Variants in UST observed in about 807,000 individuals in gnomAD.
UST encodes chondroitin sulfate 2-O-sulfotransferase.
A neutral mutation model predicts 45.6 loss-of-function variants in UST; 21 were observed. That is an observed-to-expected ratio of 0.46 (90% confidence interval 0.33 to 0.66). UST has a LOEUF of 0.66. UST is among the 30% of genes least tolerant of loss of function. UST has a pLI of 0.02. For synonymous variants in UST, 215 were observed against 200.6 expected, an observed-to-expected ratio of 1.07 and a Z score of -0.61; for missense variants, 463 against 512.4, an observed-to-expected ratio of 0.90 and a Z score of 0.93.
chr6:148,928,540 A>T (rs991828944), intron 2 of UST, among the ~76,000 whole-genome samples: 7 of 152,240 alleles, frequency 4.6e-5, no homozygotes, highest in South Asian at 2.1e-4. Context: ...GGGTTCCCCC[A>T]TCCATCCTGG....
chr6:148,840,552 A>C (rs554860441), intron 1 of UST, among the ~76,000 whole-genome samples: 3 of 152,290 alleles, frequency 2.0e-5, no homozygotes, highest in Non-Finnish European at 4.4e-5. Context: ...ACCTGCAGAT[A>C]CCAGAATCCA....
chr6:148,916,859 A>G (rs1294148434), intron 2 of UST, among the ~76,000 whole-genome samples: 2 of 152,250 alleles, frequency 1.3e-5, no homozygotes, highest in Admixed American at 6.5e-5. Flanking sequence ...ATTTAGCTGT[A>G]TAGCAAAACC....
At chr6:149,011,442 T>C (rs1402720965) in intron 5 of UST, among the ~76,000 whole-genome samples, 5 of 152,216 alleles carry the variant, frequency 3.3e-5, no homozygotes, top group African/African-American at 7.2e-5. Flanking sequence ...AATTTAATTG[T>C]CCATTTTAAA....
intron 5 of UST, among the ~76,000 whole-genome samples, chr6:148,976,649 T>C (rs1433538191): frequency 6.6e-6 from 1 of 152,240 alleles, no homozygotes; most frequent in African/African-American, 2.4e-5. Context: ...ATGAGTGAAG[T>C]TGAGCATCTT....
intron 5 of UST, among the ~76,000 whole-genome samples, chr6:149,003,428 T>G (rs1420439842): frequency 6.9e-6 from 1 of 145,054 alleles, no homozygotes; most frequent in African/African-American, 2.6e-5. Flanking sequence ...GATGTCCAAT[T>G]TGGTAAAAAA....
intron 5 of UST, among the ~76,000 whole-genome samples, chr6:149,003,957 T>C (rs753871705): frequency 6.6e-6 from 1 of 152,242 alleles, no homozygotes; most frequent in Non-Finnish European, 1.5e-5. Context: ...TGACACGCTT[T>C]GCTGGAAATG....
At chr6:148,824,591 A>G (rs1777532325) in intron 1 of UST, among the ~76,000 whole-genome samples, 1 of 151,448 alleles carries the variant, frequency 6.6e-6, no homozygotes, top group African/African-American at 2.4e-5. Flanking sequence ...CTACTGGGAG[A>G]TGGTTTTTGC....
intron 1 of UST, among the ~76,000 whole-genome samples, chr6:148,819,229 A>G (rs17087806): frequency 0.013 from 2,014 of 152,344 alleles, 42 homozygotes; most frequent in African/African-American, 0.045. Flanking sequence ...AGCAGAGATA[A>G]TAATGAAATG....
At chr6:148,946,030 C>G (rs1233249411) in intron 3 of UST, among the ~76,000 whole-genome samples, 1 of 152,142 alleles carries the variant, frequency 6.6e-6, no homozygotes, top group Non-Finnish European at 1.5e-5. Context: ...ACACTATTTC[C>G]TTACAATATT....
At chr6:148,766,790 TC>T (rs1776332972) in intron 1 of UST, among the ~76,000 whole-genome samples, 1 of 152,162 alleles carries the variant, frequency 6.6e-6, no homozygotes, top group African/African-American at 2.4e-5. Context: ...TGTTAAAAGC[TC>T]CATGGGTAAT....
intron 7 of UST, among the ~76,000 whole-genome samples, chr6:149,048,652 G>C (rs986631706): frequency 1.3e-5 from 2 of 152,016 alleles, no homozygotes; most frequent in African/African-American, 4.8e-5. Context: ...GATATCATAT[G>C]ATTATATTTT....
intron 2 of UST, among the ~76,000 whole-genome samples, chr6:148,922,795 T>A (rs1779738423): frequency 1.3e-5 from 2 of 148,856 alleles, no homozygotes; most frequent in South Asian, 4.3e-4. Flanking sequence ...TATTATTATT[T>A]TATTTATTTA....
At chr6:149,034,767 G>A (rs977868719) in intron 7 of UST, among the ~76,000 whole-genome samples, 1 of 150,430 alleles carries the variant, frequency 6.6e-6, no homozygotes, top group Non-Finnish European at 1.5e-5. Flanking sequence ...TTGAGTCATT[G>A]AAGGTCTGAA....
chr6:148,929,313 T>C (rs1225184106), intron 2 of UST, among the ~76,000 whole-genome samples: 1 of 152,204 alleles, frequency 6.6e-6, no homozygotes, highest in Non-Finnish European at 1.5e-5. Flanking sequence ...TTGTCTTATT[T>C]CCTTTGCTCA....
At position 148,747,439 on chromosome 6, in the gene UST, G is replaced by A; in HGVS notation, c.9G>A (p.Lys3=). ...AGGCAGCGGAGCAGGCGATGAAGAA[G>A]AAGCAGCAGCATCCCGGCGGCGGCG... MK[K]KQQHPGGGAD... Residue 3 remains lysine (K), a synonymous_variant, in exon 1 of 8, where the codon AAG becomes AAA. Coordinates refer to ENST00000367463, the MANE Select transcript of UST (RefSeq NM_005715.3). 7.1e-7 allele frequency: 1 copy of A among 1,413,204 alleles called. No homozygotes were observed. Among genetic ancestry groups the A allele is most frequent in the South Asian group, 1.6e-5 (1 of 63,884 alleles). 87.5% of individuals were successfully genotyped at this position (1,413,204 alleles called of 1,614,324 possible). A position where few individuals can be genotyped will look rare whatever the true frequency, so the allele number is the denominator to read the frequency against.
chr6:148,804,602 G>C (rs1325750857), intron 1 of UST, among the ~76,000 whole-genome samples: 4 of 152,110 alleles, frequency 2.6e-5, no homozygotes, highest in Admixed American at 1.3e-4. Flanking sequence ...GTGTGTTTCA[G>C]GGGGGAGAAG....
chr6:149,073,907 T>C lies in UST; in HGVS notation c.1012T>C (p.Tyr338His), dbSNP rs1403031260. Residue 338 changes from tyrosine (Y) to histidine (H), a missense_variant, in exon 8 of 8, where the codon TAC becomes CAC. By Grantham distance (83) the Tyr-to-His change is moderately conservative. Transcript: ENST00000367463. Reference sequence around the variant, plus strand: ...CTCTCCTGAGGCTGTGCAGATCCTCTACCAGCGGATGAGATACGAGTACGA... The same window carrying C: ...CTCTCCTGAGGCTGTGCAGATCCTCCACCAGCGGATGAGATACGAGTACGA... Reference protein sequence around the residue: ...VPSPEAVQILYQRMRYEYEFY... With the variant: ...VPSPEAVQILHQRMRYEYEFY... 1 of 1,614,194 alleles carries C rather than the reference T, an allele frequency of 6.2e-7. No homozygotes were observed. The highest frequency in any genetic ancestry group is 1.1e-5 in the South Asian group (1 of 91,078).
intron 5 of UST, among the ~76,000 whole-genome samples, chr6:148,990,985 G>A (rs1262844005): frequency 6.6e-6 from 1 of 152,164 alleles, no homozygotes. Context: ...GAACAAGGGA[G>A]ACAAAGCCCC....
chr6:148,945,234 C>T (rs947932367), intron 3 of UST, among the ~76,000 whole-genome samples: 13 of 152,208 alleles, frequency 8.5e-5, no homozygotes, highest in Admixed American at 7.2e-4. Flanking sequence ...GTATGATTCC[C>T]TGTTTTATGG....
Sources: gnomAD v4.1 joint callset for allele counts (sites outside exome capture counted in the v4.1 genomes callset) on GRCh38, gnomAD v4.1.1 for gene constraint, MANE v1.5 for transcripts, NCBI Gene and HGNC (gene_info 2026-07-23, HGNC 2026-07-21) for gene names.